Variants in FOXJ3 observed in about 807,000 individuals in gnomAD.
FOXJ3 encodes forkhead box protein J3.
In FOXJ3, 22 loss-of-function variants were observed where a neutral mutation model predicts 76.1. The observed-to-expected ratio is 0.29, with a 90% CI of 0.21 to 0.41. The LOEUF is 0.41. Among genes scored for constraint, FOXJ3 ranks in the 10% least tolerant of loss-of-function variants. FOXJ3 has a pLI of 1.00. For missense variants in FOXJ3, 613 were observed against 762.1 expected, an observed-to-expected ratio of 0.80 and a Z score of 2.30; for synonymous variants, 269 against 261.2, an observed-to-expected ratio of 1.03 and a Z score of -0.29.
intron 5 of FOXJ3, among the ~76,000 whole-genome samples, chr1:42,212,323 T>A (rs1646980466): frequency 6.6e-6 from 1 of 151,636 alleles, no homozygotes; most frequent in Admixed American, 6.6e-5. Flanking sequence ...ACAGAAAAAA[T>A]TTAAAAAAAC....
In FOXJ3 at chr1:42,191,682, G is replaced by A. The variant is rs774997103; in HGVS notation, c.972C>T (p.Ser324=). The A allele has an allele frequency of 1.2e-6, 2 of 1,613,828 alleles. No individual in the cohort carries two copies. Among genetic ancestry groups the A allele is most frequent in the East Asian group, 2.2e-5 (1 of 44,894 alleles). ...AGTGCTGATAGGTACATGAAGTGTG[G>A]GACTGCTGGGAAGATTCAGAAGGGA... is the stretch of plus-strand genomic sequence containing the variant. ...MNIPSESSQQ[S]HTSCTYQHSP... The change falls in exon 9 of 13, where the codon TCC becomes TCT. Residue 324 remains serine, a synonymous_variant. Transcript: ENST00000361346.
chr1:42,187,964 A>T (rs1420603286), intron 11 of FOXJ3, among the ~76,000 whole-genome samples: 1 of 152,244 alleles, frequency 6.6e-6, no homozygotes, highest in Non-Finnish European at 1.5e-5. Flanking sequence ...CAGACTGATA[A>T]GCTTGACTTG....
At chr1:42,215,456 A>C (rs970815220) in intron 5 of FOXJ3, among the ~76,000 whole-genome samples, 7 of 152,176 alleles carry the variant, frequency 4.6e-5, no homozygotes, top group Non-Finnish European at 1.0e-4. Flanking sequence ...AAAAGAACAG[A>C]GCCTCAGAAA....
chr1:42,293,499 C>G (rs1011372949), intron 2 of FOXJ3, among the ~76,000 whole-genome samples: 4 of 152,066 alleles, frequency 2.6e-5, no homozygotes, highest in Admixed American at 6.5e-5. Context: ...TAAAAAAAAT[C>G]TGAAAAGCAA....
chr1:42,256,204 T>TA (rs1466946448), intron 4 of FOXJ3, among the ~76,000 whole-genome samples: 1 of 152,220 alleles, frequency 6.6e-6, no homozygotes, highest in Non-Finnish European at 1.5e-5. Flanking sequence ...ACAAGTCACT[T>TA]ACCATTAAAT....
rs1653872318 is a variant in FOXJ3, at chr1:42,297,629, T to A, written c.44+13421A>T. ...GAATAAAACCCACTTGATCATGATT[T>A]ATTATCTTTTTGATGTGCTGTCGGA... On this transcript the variant is annotated intron_variant, in intron 2 of 12. Transcript: ENST00000361346. 2.0e-5 allele frequency among the ~76,000 whole-genome samples: 3 copies of A among 152,208 alleles called. No individual in the cohort carries two copies. In the South Asian group the frequency reaches 6.2e-4, roughly 32 times the overall value.
intron 5 of FOXJ3, among the ~76,000 whole-genome samples, chr1:42,208,097 T>C (rs1646895137): frequency 6.6e-6 from 1 of 152,248 alleles, no homozygotes; most frequent in Non-Finnish European, 1.5e-5. Flanking sequence ...ATGCTTGTTT[T>C]CTCATCTATA....
chr1:42,323,213 A>G (rs1248600058), intron 1 of FOXJ3, among the ~76,000 whole-genome samples: 2 of 152,212 alleles, frequency 1.3e-5, no homozygotes, highest in Non-Finnish European at 2.9e-5. Flanking sequence ...GTTAATGCAC[A>G]TTCCATAATT....
intron 1 of FOXJ3, chr1:42,315,594 TC>T (rs1483496475): frequency 6.0e-6 from 1 of 166,076 alleles, no homozygotes; most frequent in East Asian, 1.9e-4. Context: ...TAGATTACCG[TC>T]CTTAAATGAC....
intron 4 of FOXJ3, among the ~76,000 whole-genome samples, chr1:42,262,422 T>C (rs1651113217): frequency 6.6e-6 from 1 of 152,214 alleles, no homozygotes; most frequent in African/African-American, 2.4e-5. Context: ...AGCAGTGGAA[T>C]TTTGTGTTTT....
At chr1:42,277,362 TA>T (rs111348093) in intron 3 of FOXJ3, among the ~76,000 whole-genome samples, 108,754 of 147,422 alleles carry the variant, frequency 0.74, 40,100 homozygotes, top group Admixed American at 0.82. Flanking sequence ...TGTCTCTAAT[TA>T]AAAAAAAAAA....
intron 4 of FOXJ3, among the ~76,000 whole-genome samples, chr1:42,245,149 C>T (rs1256374996): frequency 7.1e-6 from 1 of 141,690 alleles, no homozygotes; most frequent in East Asian, 2.0e-4. Flanking sequence ...TACTGCACTC[C>T]AGCCTGAGAC....
chr1:42,334,882 G>A (rs1656384303), intron 1 of FOXJ3, 177 bp downstream of exon 1: 1 of 152,298 alleles, frequency 6.6e-6, no homozygotes, highest in Non-Finnish European at 1.5e-5. Flanking sequence ...CGTCCGCCAG[G>A]CCCCAGCCGG....
intron 4 of FOXJ3, among the ~76,000 whole-genome samples, chr1:42,238,302 G>A (rs1273750673): frequency 6.6e-6 from 1 of 151,536 alleles, no homozygotes; most frequent in Non-Finnish European, 1.5e-5. Context: ...CCAAAGTGCT[G>A]TGATTATGGC....
Position 42,185,894 on chromosome 1 carries a change from C to T in FOXJ3, c.1645+2843G>A, listed in dbSNP as rs72674507. Among the ~76,000 whole-genome samples, 244 of 152,110 alleles carry T rather than the reference C, an allele frequency of 1.6e-3. 1 individual carries two copies. Among genetic ancestry groups the T allele is most frequent in the Admixed American group, 5.4e-3 (82 of 15,298 alleles). On this transcript the variant is annotated intron_variant, in intron 11 of 12. Transcript: ENST00000361346. Reference sequence around the variant, plus strand: ...GAAGCTCATGGAGGTGTTTACCAAGCGGGTCCTTGAAGACAGGAATGACAG... The same window carrying T: ...GAAGCTCATGGAGGTGTTTACCAAGTGGGTCCTTGAAGACAGGAATGACAG...
chr1:42,287,959 C>G (rs1027463944), intron 2 of FOXJ3, among the ~76,000 whole-genome samples: 4 of 151,944 alleles, frequency 2.6e-5, no homozygotes, highest in Non-Finnish European at 4.4e-5. Flanking sequence ...GAATGAGACC[C>G]TGTCACAAAA....
intron 5 of FOXJ3, among the ~76,000 whole-genome samples, chr1:42,216,115 C>G (rs1647059218): frequency 6.6e-6 from 1 of 152,052 alleles, no homozygotes; most frequent in African/African-American, 2.4e-5. Flanking sequence ...TGCTAGGAGA[C>G]CTGCACTATA....
chr1:42,177,631 T>A lies in FOXJ3; in HGVS notation c.*2079A>T, dbSNP rs1303747063. 6.6e-6 allele frequency: 1 copy of A among 152,508 alleles called. No individual in the cohort carries two copies. The highest frequency in any genetic ancestry group is 1.9e-4 in the East Asian group (1 of 5,184). The allele number at this position is 152,508 out of a possible 1,614,324, so 9.4% of individuals were successfully genotyped here. On this transcript the variant is annotated 3_prime_UTR_variant, in exon 13 of 13. Coordinates refer to ENST00000361346, the MANE Select transcript of FOXJ3 (RefSeq NM_014947.5). ...TGATCCAAGGGGCTGGAACTGAGCT[T>A]CCTTTTTCATGCCAAGTAGGGTCCA... is the stretch of plus-strand genomic sequence containing the variant.
At chr1:42,263,311 T>C (rs1161576074) in intron 4 of FOXJ3, among the ~76,000 whole-genome samples, 4 of 152,172 alleles carry the variant, frequency 2.6e-5, no homozygotes, top group Non-Finnish European at 5.9e-5. Flanking sequence ...TTTTTAATTA[T>C]TTCAAATTCA....
Sources: allele counts gnomAD v4.1 joint callset (sites outside exome capture counted in the v4.1 genomes callset), GRCh38; gene constraint gnomAD v4.1.1; transcripts MANE v1.5; gene names NCBI Gene and HGNC (gene_info 2026-07-23, HGNC 2026-07-21).